The following LRRIQ1 variants were observed in gnomAD, a reference collection of about 807,000 sequenced individuals.
LRRIQ1 encodes leucine rich repeats and IQ motif containing 1, also known as leucine-rich repeat- and IQ domain-containing protein 1.
In LRRIQ1, 210 loss-of-function variants were observed where a neutral mutation model predicts 211.9. That is an observed-to-expected ratio of 0.99 (90% CI 0.89 to 1.11). The LOEUF is 1.11. Ranked by LOEUF, LRRIQ1 falls within the 50% of genes most tolerant of loss-of-function variation. The pLI is 0.00. For missense variants in LRRIQ1, 2,136 were observed against 1,939.5 expected, an observed-to-expected ratio of 1.10 and a Z score of -1.90; for synonymous variants, 699 against 650.1, an observed-to-expected ratio of 1.08 and a Z score of -1.14.
chr12:85,262,557 T>C (rs1371603827), intron 1 of LRRIQ1, among the ~76,000 whole-genome samples: 2 of 151,922 alleles, frequency 1.3e-5, no homozygotes, highest in Non-Finnish European at 2.9e-5. Flanking sequence ...TAAATAATTA[T>C]AGCAATTTAA....
chr12:85,256,786 G>A (rs975705803), intron 1 of LRRIQ1, among the ~76,000 whole-genome samples: 3 of 150,736 alleles, frequency 2.0e-5, no homozygotes, highest in East Asian at 1.9e-4. Flanking sequence ...AAAGAAATAC[G>A]TGTTGAATGA....
chr12:85,053,725 T>C (rs1001811516), intron 7 of LRRIQ1, among the ~76,000 whole-genome samples: 2 of 152,206 alleles, frequency 1.3e-5, no homozygotes, highest in Non-Finnish European at 2.9e-5. Flanking sequence ...TTTTGTTTTT[T>C]AAGATGGAGT....
At chr12:85,232,132 A>C (rs1894971921) in intron 25 of LRRIQ1, among the ~76,000 whole-genome samples, 1 of 152,136 alleles carries the variant, frequency 6.6e-6, no homozygotes, top group Non-Finnish European at 1.5e-5. Flanking sequence ...AATTTTAAAC[A>C]ATAAGCAATT....
chr12:85,163,066 A>G (rs906668366), intron 24 of LRRIQ1, among the ~76,000 whole-genome samples: 1 of 152,150 alleles, frequency 6.6e-6, no homozygotes, highest in East Asian at 1.9e-4. Context: ...CTCTGGAATT[A>G]TTCACTTCAC....
At chr12:85,082,021 C>G (rs900044716) in intron 11 of LRRIQ1, among the ~76,000 whole-genome samples, 3 of 152,040 alleles carry the variant, frequency 2.0e-5, no homozygotes, top group African/African-American at 7.2e-5. Context: ...CTGTGCAGGG[C>G]CTCTTCTTTT....
chr12:85,251,978 G>C (rs1051074596), intron 1 of LRRIQ1, among the ~76,000 whole-genome samples: 6 of 151,872 alleles, frequency 4.0e-5, no homozygotes, highest in Non-Finnish European at 7.4e-5. Context: ...ACTTTGCAAT[G>C]ATTCTAATCT....
At chr12:85,192,485 T>A (rs185405346) in intron 24 of LRRIQ1, among the ~76,000 whole-genome samples, 3,145 of 125,038 alleles carry the variant, frequency 0.025, 175 homozygotes, top group East Asian at 0.19. Context: ...ATATATATAG[T>A]TATATAATAT....
intron 24 of LRRIQ1, among the ~76,000 whole-genome samples, chr12:85,201,848 G>A (rs1893315961): frequency 6.6e-6 from 1 of 151,840 alleles, no homozygotes; most frequent in South Asian, 2.1e-4. Context: ...GTTTTCTCTT[G>A]TTTCTCTAGT....
intron 17 of LRRIQ1, 36 bp from the exon 18 acceptor site, chr12:85,127,796 A>T (rs761898890): frequency 6.4e-7 from 1 of 1,568,460 alleles, no homozygotes; most frequent in Admixed American, 1.7e-5. Flanking sequence ...TACAGATAAT[A>T]AAAAAAGTGT....
chr12:85,201,338 A>G (rs924883034), intron 24 of LRRIQ1, among the ~76,000 whole-genome samples: 3 of 150,166 alleles, frequency 2.0e-5, no homozygotes, highest in African/African-American at 7.4e-5. Context: ...TTCCTCATCA[A>G]TTTTTTTCAA....
At chr12:85,257,345 C>T (rs1045665840) in intron 1 of LRRIQ1, among the ~76,000 whole-genome samples, 1 of 147,380 alleles carries the variant, frequency 6.8e-6, no homozygotes, top group Non-Finnish European at 1.5e-5. Context: ...TATAATGAAA[C>T]TGAATAGAGC....
At chr12:85,064,858 C>T (rs1028466629) in intron 8 of LRRIQ1, among the ~76,000 whole-genome samples, 2 of 151,572 alleles carry the variant, frequency 1.3e-5, no homozygotes, top group Non-Finnish European at 2.9e-5. Flanking sequence ...TTTGTTTTTG[C>T]GTTCTCTGTG....
chr12:85,197,287 A>G (rs1892973408), intron 24 of LRRIQ1, among the ~76,000 whole-genome samples: 1 of 151,482 alleles, frequency 6.6e-6, no homozygotes, highest in Non-Finnish European at 1.5e-5. Flanking sequence ...TCAGGGATCT[A>G]GAACTGGAAA....
chr12:85,063,938 T>C (rs1249189934), intron 8 of LRRIQ1, among the ~76,000 whole-genome samples: 1 of 151,840 alleles, frequency 6.6e-6, no homozygotes, highest in Non-Finnish European at 1.5e-5. Flanking sequence ...ATTTCTCTGT[T>C]GATGAACACT....
intron 5 of LRRIQ1, 50 bp from the exon 6 acceptor site, chr12:85,047,190 TAGTTTTG>T: frequency 7.8e-7 from 1 of 1,274,826 alleles, no homozygotes; most frequent in Non-Finnish European, 1.1e-6. Flanking sequence ...TACTTTGAAT[TAGTTTTG>T]ACAGTTTTGA....
Position 85,106,543 on chromosome 12 carries a change from G to A in LRRIQ1, c.3305G>A (p.Trp1102Ter). 1.2e-6 allele frequency: 2 copies of A among 1,609,430 alleles called. No individual in the cohort carries two copies. The highest frequency in any genetic ancestry group is 1.7e-6 in the Non-Finnish European group (2 of 1,177,640). ...GTAGATCTTAAAAGTGCCATAAAAT[G>A]GTTTGATGCATGCTATTCTCTCCAT... ...CLSDLKSAIKWFDACYSLHEL... is the reference protein window; with the variant it reads ...CLSDLKSAIK The change falls in exon 15 of 27, where the codon TGG (tryptophan) becomes TAG (stop). Residue 1102 changes from tryptophan to a stop codon, truncating the protein, a stop_gained. Transcript: ENST00000393217. LOFTEE classifies it high-confidence loss of function.
chr12:85,167,955 A>G lies in LRRIQ1; in HGVS notation c.4822+7241A>G, dbSNP rs139312674. On this transcript the variant is annotated intron_variant, in intron 24 of 26. Transcript: ENST00000393217. The stretch of plus-strand genomic sequence containing the variant: ...TAAATGCTATTACATAAAGTTAACA[A>G]CACTTAAATCCTGTCATGAAGTCAA... Among the ~76,000 whole-genome samples, 437 of 152,338 alleles carry G rather than the reference A, an allele frequency of 2.9e-3. 5 individuals are homozygous for G. The highest frequency in any genetic ancestry group is 9.9e-3 in the African/African-American group (411 of 41,566).
rs1238567376 is a variant in LRRIQ1 at position 85,190,543 on chromosome 12, TTAA to T, written c.4822+29835_4822+29837del. On this transcript the variant is annotated intron_variant, in intron 24 of 26. Coordinates refer to ENST00000393217, the MANE Select transcript of LRRIQ1 (RefSeq NM_001079910.2). The stretch of plus-strand genomic sequence containing the variant: ...AAGTGAACATAAATAATAGTATATA[TTAA>T]TAATACATATGCTATTATAAGGTAA... Among the ~76,000 whole-genome samples the T allele has an allele frequency of 5.4e-5, 8 of 149,176 alleles. No homozygotes were observed. In the East Asian group the frequency reaches 7.8e-4, roughly 14 times the overall value.
At chr12:85,093,406 T>C (rs557878218) in intron 11 of LRRIQ1, among the ~76,000 whole-genome samples, 2 of 152,264 alleles carry the variant, frequency 1.3e-5, no homozygotes, top group African/African-American at 2.4e-5. Context: ...ATGACTAAAA[T>C]TGTCAACCAC....
Sources: allele counts gnomAD v4.1 joint callset (sites outside exome capture counted in the v4.1 genomes callset), GRCh38; gene constraint gnomAD v4.1.1; transcripts MANE v1.5; gene names NCBI Gene and HGNC (gene_info 2026-07-23, HGNC 2026-07-21).